The following ARHGEF28 variants were observed in gnomAD, a reference collection of about 807,000 sequenced individuals.
The protein encoded by ARHGEF28 is Rho guanine nucleotide exchange factor 28, also known as 190 kDa guanine nucleotide exchange factor.
In ARHGEF28, 152 loss-of-function variants were observed where a neutral mutation model predicts 206.6. The observed-to-expected ratio is 0.74, with a 90% CI of 0.64 to 0.84. The LOEUF (loss-of-function observed/expected upper bound fraction) is 0.84. ARHGEF28 is among the 40% of genes least tolerant of loss of function. The pLI is 0.00. For synonymous variants in ARHGEF28, 763 were observed against 776.4 expected, an observed-to-expected ratio of 0.98 and a Z score of 0.29; for missense variants, 2,028 against 2,073.2, an observed-to-expected ratio of 0.98 and a Z score of 0.42.
At chr5:73,816,726 T>G (rs917219439) in intron 9 of ARHGEF28, among the ~76,000 whole-genome samples, 1 of 152,208 alleles carries the variant, frequency 6.6e-6, no homozygotes, top group Non-Finnish European at 1.5e-5. Flanking sequence ...GGATGTGACT[T>G]AGAAGCAGTG....
chr5:73,688,807 C>T (rs1374972246), intron 2 of ARHGEF28, among the ~76,000 whole-genome samples: 3 of 152,166 alleles, frequency 2.0e-5, no homozygotes, highest in East Asian at 1.9e-4. Flanking sequence ...GTGCATGCCA[C>T]CACGTTCAGC....
At chr5:73,909,940 AGG>A in intron 34 of ARHGEF28, 43 bp downstream of exon 34, 1 of 1,475,384 alleles carries the variant, frequency 6.8e-7, no homozygotes, top group Non-Finnish European at 8.9e-7. Flanking sequence ...TCTCAAAGAC[AGG>A]GGTGGGCCTG....
chr5:73,712,259 G>T (rs752733504), intron 2 of ARHGEF28, among the ~76,000 whole-genome samples: 7 of 152,056 alleles, frequency 4.6e-5, no homozygotes, highest in Admixed American at 3.9e-4. Context: ...TAAAATCTTT[G>T]TCAGGTTTTG....
chr5:73,748,012 A>G (rs1751823736), intron 2 of ARHGEF28, among the ~76,000 whole-genome samples: 1 of 152,196 alleles, frequency 6.6e-6, no homozygotes, highest in Non-Finnish European at 1.5e-5. Context: ...ATCTGTTTAT[A>G]TAATTTGTTT....
Position 73,892,135 on chromosome 5 carries a change from T to C in ARHGEF28, c.3471T>C (p.Ser1157=). 6.3e-7 allele frequency: 1 copy of C among 1,589,320 alleles called. No individual in the cohort carries two copies. Among genetic ancestry groups the C allele is most frequent in the Non-Finnish European group, 8.6e-7 (1 of 1,166,466 alleles). ...ANEERGMFLI[S]ASSAGPEMYE... Reference sequence around the variant, plus strand: ...AGGAGAGAGGAATGTTTCTGATCAGTGCTTCATCTGCTGGTCCTGAGATGT... The same window carrying C: ...AGGAGAGAGGAATGTTTCTGATCAGCGCTTCATCTGCTGGTCCTGAGATGT... Residue 1157 remains serine (S), a synonymous_variant, in exon 27 of 36, where the codon AGT becomes AGC. Transcript: ENST00000513042.
chr5:73,886,443 A>G (rs557455168), intron 25 of ARHGEF28, among the ~76,000 whole-genome samples: 1 of 152,252 alleles, frequency 6.6e-6, no homozygotes, highest in Middle Eastern at 3.2e-3. Flanking sequence ...GTACACCTAC[A>G]CACCTAGGGT....
chr5:73,816,130 G>A (rs532203454), intron 9 of ARHGEF28, among the ~76,000 whole-genome samples: 1 of 152,044 alleles, frequency 6.6e-6, no homozygotes, highest in Admixed American at 6.6e-5. Context: ...GGGGTGCCAG[G>A]CACTGTTCTT....
chr5:73,699,983 C>T (rs891996095), intron 2 of ARHGEF28, among the ~76,000 whole-genome samples: 2 of 152,152 alleles, frequency 1.3e-5, no homozygotes, highest in African/African-American at 2.4e-5. Flanking sequence ...CTATTTTGAT[C>T]ACTTCTAGCC....
intron 33 of ARHGEF28, among the ~76,000 whole-genome samples, chr5:73,907,325 A>G (rs1275864844): frequency 6.6e-6 from 1 of 152,200 alleles, no homozygotes; most frequent in Non-Finnish European, 1.5e-5. Context: ...AGCCCTGTGT[A>G]GATTCAAGGT....
intron 2 of ARHGEF28, among the ~76,000 whole-genome samples, chr5:73,716,967 T>C (rs964559721): frequency 6.6e-6 from 1 of 152,082 alleles, no homozygotes; most frequent in African/African-American, 2.4e-5. Flanking sequence ...ATAAAAAGGA[T>C]ACTGCTGCTT....
At position 73,909,673 on chromosome 5, in the gene ARHGEF28, C is replaced by CGGGA. The variant is rs1762766382; in HGVS notation, c.4425_4428dup (p.Arg1477GlyfsTer79). ...GACCAGGGAGAGCTGGCTGCAGGAG[C>CGGGA]GGGAGCGGGAGTGCCAGTCGCAGGA... On this transcript the variant is annotated frameshift_variant, in exon 34 of 36. Coordinates refer to ENST00000513042, the MANE Select transcript of ARHGEF28 (RefSeq NM_001177693.2). LOFTEE classifies it high-confidence loss of function. 1 of 1,540,042 alleles carries CGGGA rather than the reference C, an allele frequency of 6.5e-7. No homozygotes were observed. The highest frequency in any genetic ancestry group is 8.8e-7 in the Non-Finnish European group (1 of 1,141,856).
At chr5:73,914,135 C>T (rs1349212557) in intron 35 of ARHGEF28, among the ~76,000 whole-genome samples, 1 of 152,098 alleles carries the variant, frequency 6.6e-6, no homozygotes, top group South Asian at 2.1e-4. Flanking sequence ...TTGCTCTACC[C>T]CCACCCCTGC....
intron 26 of ARHGEF28, among the ~76,000 whole-genome samples, chr5:73,888,518 G>A (rs922322186): frequency 2.0e-5 from 3 of 152,140 alleles, no homozygotes; most frequent in South Asian, 2.1e-4. Context: ...GGATGGTGAG[G>A]GCCATGTAGG....
chr5:73,741,175 A>T (rs1269881944), intron 2 of ARHGEF28, among the ~76,000 whole-genome samples: 1 of 151,930 alleles, frequency 6.6e-6, no homozygotes, highest in African/African-American at 2.4e-5. Flanking sequence ...AAGGGGCTTT[A>T]TAAAGCCTGC....
chr5:73,781,872 C>CTA (rs755732624), intron 7 of ARHGEF28, among the ~76,000 whole-genome samples: 47 of 152,030 alleles, frequency 3.1e-4, no homozygotes, highest in Non-Finnish European at 5.9e-4. Context: ...ATGTGATCTA[C>CTA]TAACTCAATT....
At chr5:73,729,955 A>G (rs1378282594) in intron 2 of ARHGEF28, among the ~76,000 whole-genome samples, 1 of 152,170 alleles carries the variant, frequency 6.6e-6, no homozygotes, top group African/African-American at 2.4e-5. Flanking sequence ...TCACTTTCCC[A>G]TTTATAAGGT....
chr5:73,906,293 C>T (rs962344079), intron 33 of ARHGEF28, among the ~76,000 whole-genome samples: 1 of 152,102 alleles, frequency 6.6e-6, no homozygotes, highest in African/African-American at 2.4e-5. Flanking sequence ...GGCTGGAGTG[C>T]AGTGGCACGA....
intron 9 of ARHGEF28, among the ~76,000 whole-genome samples, chr5:73,825,092 A>T (rs1375876128): frequency 1.3e-5 from 2 of 152,284 alleles, no homozygotes; most frequent in African/African-American, 4.8e-5. Flanking sequence ...TACTGGGGAG[A>T]TGGTGAACAA....
rs1326750401 is a variant in ARHGEF28, at chr5:73,749,827, C to A, written c.34-10C>A. ...AAGTCTGACAATGCCCCGACTTATT[C>A]CTTTTTCAGGGGCAGATGATGATCT... On this transcript the variant is annotated splice_polypyrimidine_tract_variant and intron_variant, in intron 2 of 35. Coordinates refer to ENST00000513042, the MANE Select transcript of ARHGEF28 (RefSeq NM_001177693.2). 6.2e-7 allele frequency: 1 copy of A among 1,613,776 alleles called. No homozygotes were observed. Among genetic ancestry groups the A allele is most frequent in the Non-Finnish European group, 8.5e-7 (1 of 1,179,750 alleles).
Sources: allele counts gnomAD v4.1 joint callset (sites outside exome capture counted in the v4.1 genomes callset), GRCh38; gene constraint gnomAD v4.1.1; transcripts MANE v1.5; gene names NCBI Gene and HGNC (gene_info 2026-07-23, HGNC 2026-07-21).